The following CFDP1 variants were observed in gnomAD, a reference collection of about 807,000 sequenced individuals.
CFDP1 encodes chromatin remodeling protein CFDP1.
Under a neutral mutation model 40.1 loss-of-function variants are expected in CFDP1, and 31 were observed. The observed-to-expected ratio is 0.77, with a 90% CI of 0.58 to 1.04. CFDP1 has a LOEUF of 1.04. Among genes scored for constraint, CFDP1 ranks in the 50% least tolerant of loss-of-function variants. The probability of loss-of-function intolerance (pLI) is 0.00; values close to 1 mark genes in which losing one functional copy is unlikely to be tolerated. For missense variants in CFDP1, 423 were observed against 343.4 expected, an observed-to-expected ratio of 1.23 and a Z score of -1.83; for synonymous variants, 167 against 120.0, an observed-to-expected ratio of 1.39 and a Z score of -2.56.
At chr16:75,402,362 T>C (rs575833012) in intron 4 of CFDP1, among the ~76,000 whole-genome samples, 3 of 152,356 alleles carry the variant, frequency 2.0e-5, no homozygotes, top group South Asian at 2.1e-4. Context: ...TGACTGGCTT[T>C]TTCCAAAAGG....
At chr16:75,366,243 T>G (rs369079071) in intron 5 of CFDP1, among the ~76,000 whole-genome samples, 2 of 152,192 alleles carry the variant, frequency 1.3e-5, no homozygotes, top group African/African-American at 4.8e-5. Flanking sequence ...AAGAAAACAT[T>G]TGTTTTCTGG....
At chr16:75,409,548 T>G (rs971447942) in intron 4 of CFDP1, 1 of 152,238 alleles carries the variant, frequency 6.6e-6, no homozygotes, top group East Asian at 1.9e-4. Flanking sequence ...TGGTCTGCTA[T>G]AGATTGAAAA....
chr16:75,404,827 G>A (rs1009839684), intron 4 of CFDP1, among the ~76,000 whole-genome samples: 2 of 152,102 alleles, frequency 1.3e-5, no homozygotes, highest in African/African-American at 2.4e-5. Flanking sequence ...GACCAATTAT[G>A]GTTTTCATCT....
chr16:75,294,670 G>C (rs942350464), intron 6 of CFDP1, among the ~76,000 whole-genome samples: 10 of 152,048 alleles, frequency 6.6e-5, no homozygotes, highest in African/African-American at 2.4e-4. Flanking sequence ...TCTCCTCTCC[G>C]CAGTATCCTC....
chr16:75,322,140 T>C (rs188375845), intron 5 of CFDP1, among the ~76,000 whole-genome samples: 162 of 152,304 alleles, frequency 1.1e-3, no homozygotes, highest in Non-Finnish European at 1.8e-3. Context: ...ACTTTCCTAA[T>C]TTGTTTTCTA....
At chr16:75,380,972 C>G (rs1768950216) in intron 5 of CFDP1, among the ~76,000 whole-genome samples, 1 of 152,124 alleles carries the variant, frequency 6.6e-6, no homozygotes. Flanking sequence ...TACTAATAGA[C>G]AACAAAGATA....
intron 4 of CFDP1, among the ~76,000 whole-genome samples, chr16:75,408,910 T>A (rs1409604964): frequency 6.6e-6 from 1 of 151,974 alleles, no homozygotes; most frequent in Admixed American, 6.6e-5. Context: ...CAGGCTGGAG[T>A]GCAGTGGTAC....
chr16:75,359,108 T>C (rs1161074662), intron 5 of CFDP1, among the ~76,000 whole-genome samples: 1 of 152,228 alleles, frequency 6.6e-6, no homozygotes, highest in African/African-American at 2.4e-5. Context: ...AAACAACTGA[T>C]TAAAATAGAC....
In CFDP1 at chr16:75,403,065, CT is replaced by C. The variant is rs76604321; in HGVS notation, c.531-7857del. 8.7e-4 allele frequency among the ~76,000 whole-genome samples: 133 copies of C among 152,248 alleles called. 1 individual carries two copies. The East Asian group carries it at 0.024, about 27-fold the overall frequency. ...TTTTTTATAGACATGGTGCTGCCCT[CT>C]TCTGACAAATTGAGAAAACAGCAGA... On this transcript the variant is annotated intron_variant, in intron 4 of 6. Transcript: ENST00000283882.
At chr16:75,309,002 A>G (rs977187839) in intron 5 of CFDP1, among the ~76,000 whole-genome samples, 1 of 152,224 alleles carries the variant, frequency 6.6e-6, no homozygotes, top group Non-Finnish European at 1.5e-5. Context: ...AAGGTGTAAG[A>G]TGTCCTAATG....
intron 6 of CFDP1, among the ~76,000 whole-genome samples, chr16:75,295,926 C>A (rs2078178876): frequency 6.6e-6 from 1 of 152,150 alleles, no homozygotes; most frequent in Admixed American, 6.5e-5. Context: ...TGAGTGGGGG[C>A]TGCTAACCAA....
chr16:75,346,356 G>C (rs1346583207), intron 5 of CFDP1, among the ~76,000 whole-genome samples: 2 of 152,098 alleles, frequency 1.3e-5, no homozygotes, highest in East Asian at 1.9e-4. Context: ...GGCCGAGGCA[G>C]GTGGATCACG....
At chr16:75,414,771 G>A (rs2079190627) in intron 1 of CFDP1, 76 bp from the exon 2 acceptor site, 3 of 892,144 alleles carry the variant, frequency 3.4e-6, no homozygotes, top group Non-Finnish European at 5.4e-6. Context: ...ATTAATACAA[G>A]CTTTCACACC....
intron 1 of CFDP1, among the ~76,000 whole-genome samples, chr16:75,427,514 G>T (rs569767803): frequency 1.3e-5 from 2 of 152,152 alleles, no homozygotes; most frequent in Non-Finnish European, 2.9e-5. Flanking sequence ...GCCTCCCAAA[G>T]TGGTGGGAAT....
intron 5 of CFDP1, among the ~76,000 whole-genome samples, chr16:75,321,128 AATTATT>A (rs974884581): frequency 1.3e-5 from 2 of 151,962 alleles, no homozygotes; most frequent in African/African-American, 4.8e-5. Context: ...TATTTTAATA[AATTATT>A]ATTATTATTT....
intron 5 of CFDP1, among the ~76,000 whole-genome samples, chr16:75,347,778 A>G (rs1435910397): frequency 6.6e-6 from 1 of 152,234 alleles, no homozygotes; most frequent in East Asian, 1.9e-4. Context: ...AAATGATTAA[A>G]GTTAATATGA....
At chr16:75,338,704 A>G (rs2078507290) in intron 5 of CFDP1, among the ~76,000 whole-genome samples, 1 of 152,068 alleles carries the variant, frequency 6.6e-6, no homozygotes, top group Non-Finnish European at 1.5e-5. Context: ...ACATCCCTTG[A>G]TAATTCTATA....
intron 5 of CFDP1, among the ~76,000 whole-genome samples, chr16:75,345,588 T>C (rs1401640532): frequency 6.6e-6 from 1 of 152,108 alleles, no homozygotes; most frequent in Non-Finnish European, 1.5e-5. Flanking sequence ...AAGGATGCAG[T>C]GAACTATAAT....
rs59122894 is a variant in CFDP1 at position 75,350,426 on chromosome 16, C to T, written c.650+44664G>A. Among the ~76,000 whole-genome samples, 47 of 152,260 alleles carry T rather than the reference C, an allele frequency of 3.1e-4. No individual in the cohort carries two copies. The East Asian group carries it at 8.7e-3, about 28-fold the overall frequency. On this transcript the variant is annotated intron_variant, in intron 5 of 6. Transcript: ENST00000283882. ...TCCATCTTTTTAAATTATAACCATC[C>T]TAGTGGGTGTGAAGTATTATCTCAC...
Sources: allele counts gnomAD v4.1 joint callset (sites outside exome capture counted in the v4.1 genomes callset), GRCh38; gene constraint gnomAD v4.1.1; transcripts MANE v1.5; gene names NCBI Gene and HGNC (gene_info 2026-07-23, HGNC 2026-07-21).